Variants in RAB38 observed in about 807,000 individuals in gnomAD.
The protein encoded by RAB38 is ras-related protein Rab-38.
A neutral mutation model predicts 18.4 loss-of-function variants in RAB38; 15 were observed. That is an observed-to-expected ratio of 0.82 (90% confidence interval 0.55 to 1.26). The LOEUF is 1.26. Ranked by LOEUF, RAB38 falls within the 50% of genes most tolerant of loss-of-function variation. RAB38 has a pLI of 0.00. For missense variants in RAB38, 294 were observed against 267.4 expected (o/e 1.10, Z -0.69); for synonymous variants, 101 against 104.4 (o/e 0.97, Z 0.20).
the RAB38 span, among the ~76,000 whole-genome samples, chr11:87,975,607 T>C: frequency 5.3e-5 from 8 of 151,848 alleles, no homozygotes; most frequent in Admixed American, 4.6e-4. Flanking sequence ...TAACATTTTA[T>C]TGTGAAGTTA....
the RAB38 span, among the ~76,000 whole-genome samples, chr11:88,005,147 G>GA: frequency 6.6e-6 from 1 of 151,196 alleles, no homozygotes. Flanking sequence ...CACTTCTATG[G>GA]AAAATCAAGA....
intron 2 of RAB38, among the ~76,000 whole-genome samples, chr11:88,125,433 AC>A (rs1465107418): frequency 6.6e-6 from 1 of 152,188 alleles, no homozygotes; most frequent in Non-Finnish European, 1.5e-5. Context: ...CTAACATCTA[AC>A]TGATTGACAT....
At chr11:87,859,150 A>C in the RAB38 span, among the ~76,000 whole-genome samples, 620 of 151,986 alleles carry the variant, frequency 4.1e-3, 1 homozygote, top group African/African-American at 0.014. Flanking sequence ...AAATGTTTTA[A>C]AAGAAAATAG....
At chr11:87,928,077 AAAAT>A in the RAB38 span, among the ~76,000 whole-genome samples, 3 of 151,460 alleles carry the variant, frequency 2.0e-5, no homozygotes, top group African/African-American at 7.3e-5. Flanking sequence ...GACCCTGAAA[AAAAT>A]AAGAAAACAG....
chr11:88,126,465 A>G (rs1205023047), intron 2 of RAB38, among the ~76,000 whole-genome samples: 1 of 152,060 alleles, frequency 6.6e-6, no homozygotes, highest in Non-Finnish European at 1.5e-5. Flanking sequence ...AAAACCAAAC[A>G]CTGCATGTTC....
the RAB38 span, among the ~76,000 whole-genome samples, chr11:87,915,326 A>G: frequency 6.6e-6 from 1 of 152,152 alleles, no homozygotes. Flanking sequence ...GGAGGATGGC[A>G]TGAGATACAG....
At chr11:87,962,703 C>T in the RAB38 span, among the ~76,000 whole-genome samples, 625 of 152,124 alleles carry the variant, frequency 4.1e-3, 24 homozygotes, top group East Asian at 0.098. Context: ...CTGAGACGTC[C>T]CTGAAAATTT....
At chr11:87,958,642 T>G in the RAB38 span, among the ~76,000 whole-genome samples, 1 of 152,164 alleles carries the variant, frequency 6.6e-6, no homozygotes, top group African/African-American at 2.4e-5. Flanking sequence ...TTTATTAATT[T>G]GGAGATTTCA....
At chr11:88,089,862 C>T in the RAB38 span, among the ~76,000 whole-genome samples, 1,721 of 152,006 alleles carry the variant, frequency 0.011, 39 homozygotes, top group African/African-American at 0.04. Context: ...CCCCATTCTT[C>T]GTGGTACTGG....
chr11:87,946,875 G>A, the RAB38 span, among the ~76,000 whole-genome samples: 1 of 152,174 alleles, frequency 6.6e-6, no homozygotes, highest in African/African-American at 2.4e-5. Context: ...CTTTATAGCA[G>A]CATGATTTAC....
At chr11:87,849,216 A>C in the RAB38 span, among the ~76,000 whole-genome samples, 1 of 151,976 alleles carries the variant, frequency 6.6e-6, no homozygotes. Flanking sequence ...ACAATACCCC[A>C]CTCATCTGAC....
chr11:87,835,825 C>T, the RAB38 span, among the ~76,000 whole-genome samples: 3 of 152,132 alleles, frequency 2.0e-5, no homozygotes, highest in Middle Eastern at 3.2e-3. Context: ...GCTGTTTAAG[C>T]CACCCAGTCT....
At chr11:88,082,324 A>G in the RAB38 span, among the ~76,000 whole-genome samples, 1 of 151,894 alleles carries the variant, frequency 6.6e-6, no homozygotes, top group African/African-American at 2.4e-5. Context: ...TTAGAAAGAA[A>G]AAAAAATATT....
chr11:87,851,552 TCCCCAGCTATTA>T, the RAB38 span, among the ~76,000 whole-genome samples: 1 of 152,142 alleles, frequency 6.6e-6, no homozygotes, highest in Non-Finnish European at 1.5e-5. Flanking sequence ...TTCTACTTTT[TCCCCAGCTATTA>T]CCCCTGTATG....
At chr11:88,165,174 T>C (rs1273754587) in intron 1 of RAB38, among the ~76,000 whole-genome samples, 1 of 152,094 alleles carries the variant, frequency 6.6e-6, no homozygotes, top group Non-Finnish European at 1.5e-5. Context: ...ACCCACGAGA[T>C]GTAAAAACCA....
At chr11:87,838,123 T>C in the RAB38 span, among the ~76,000 whole-genome samples, 1 of 141,178 alleles carries the variant, frequency 7.1e-6, no homozygotes, top group East Asian at 2.2e-4. Flanking sequence ...ATTTTTATTT[T>C]TTTTTTTTTG....
At chr11:87,853,856 G>A in the RAB38 span, among the ~76,000 whole-genome samples, 1 of 152,108 alleles carries the variant, frequency 6.6e-6, no homozygotes, top group Non-Finnish European at 1.5e-5. Context: ...CATAATCAAG[G>A]TGTTGGCAAG....
chr11:87,950,258 C>T, the RAB38 span, among the ~76,000 whole-genome samples: 5 of 152,082 alleles, frequency 3.3e-5, no homozygotes, highest in African/African-American at 9.7e-5. Flanking sequence ...TCCTCCATCC[C>T]TTTATTTTGA....
chr11:88,015,716 G>T, the RAB38 span, among the ~76,000 whole-genome samples: 1 of 152,082 alleles, frequency 6.6e-6, no homozygotes, highest in Admixed American at 6.6e-5. Flanking sequence ...CATCCTAAAA[G>T]CTCCCTATCA....
Sources: allele counts gnomAD v4.1 joint callset (sites outside exome capture counted in the v4.1 genomes callset), GRCh38; gene constraint gnomAD v4.1.1; transcripts MANE v1.5; gene names NCBI Gene and HGNC (gene_info 2026-07-23, HGNC 2026-07-21).